IQCM: variants seen among roughly 807,000 people sequenced by gnomAD.
The protein encoded by IQCM is IQ motif containing M, also known as IQ domain-containing protein M.
In IQCM, 45 loss-of-function variants were observed where a neutral mutation model predicts 57.6. The observed-to-expected ratio is 0.78, with a 90% CI of 0.62 to 1.00. The LOEUF (loss-of-function observed/expected upper bound fraction) is 1.00, where lower values mean the gene tolerates loss of function less well. Among genes scored for constraint, IQCM ranks in the 50% least tolerant of loss-of-function variants. IQCM has a pLI of 0.00. For missense variants in IQCM, 468 were observed against 511.6 expected, an observed-to-expected ratio of 0.91 and a Z score of 0.82; for synonymous variants, 148 against 158.9, an observed-to-expected ratio of 0.93 and a Z score of 0.51.
At chr4:149,774,868 A>G (rs1218247042) in intron 2 of IQCM, among the ~76,000 whole-genome samples, 1 of 151,992 alleles carries the variant, frequency 6.6e-6, no homozygotes, top group Non-Finnish European at 1.5e-5. Context: ...ATAGAAAAAT[A>G]TGTTTTAATT....
chr4:149,398,777 G>A (rs1732412759), intron 13 of IQCM, among the ~76,000 whole-genome samples: 1 of 152,100 alleles, frequency 6.6e-6, no homozygotes, highest in East Asian at 1.9e-4. Flanking sequence ...CACACTCATG[G>A]CTCACTGCAG....
intron 7 of IQCM, among the ~76,000 whole-genome samples, chr4:149,637,871 A>G (rs1356219767): frequency 2.0e-5 from 3 of 152,248 alleles, no homozygotes; most frequent in Non-Finnish European, 4.4e-5. Context: ...CAACAAAGCT[A>G]CCGAAGAATA....
At chr4:149,677,972 A>T (rs1281104190) in intron 7 of IQCM, among the ~76,000 whole-genome samples, 1 of 151,868 alleles carries the variant, frequency 6.6e-6, no homozygotes, top group Non-Finnish European at 1.5e-5. Flanking sequence ...ACTATTTGAA[A>T]ATACATGGAG....
At chr4:149,547,584 G>A (rs1188240254) in intron 12 of IQCM, among the ~76,000 whole-genome samples, 1 of 152,114 alleles carries the variant, frequency 6.6e-6, no homozygotes, top group Admixed American at 6.5e-5. Context: ...GTACAGCATG[G>A]TGACTGTCGT....
intron 13 of IQCM, among the ~76,000 whole-genome samples, chr4:149,400,361 T>C (rs1732531902): frequency 6.6e-6 from 1 of 151,920 alleles, no homozygotes; most frequent in Non-Finnish European, 1.5e-5. Flanking sequence ...GAGTGGAAAA[T>C]AGGGACAATG....
At chr4:149,431,898 T>A (rs1049425905) in intron 13 of IQCM, among the ~76,000 whole-genome samples, 1 of 151,798 alleles carries the variant, frequency 6.6e-6, no homozygotes, top group African/African-American at 2.4e-5. Flanking sequence ...AGCTGTGTTG[T>A]TTCCAGCTTT....
Position 149,644,710 on chromosome 4 carries a change from T to G in IQCM, c.566-23466A>C, listed in dbSNP as rs1390588475. Among the ~76,000 whole-genome samples the G allele has an allele frequency of 2.0e-5, 3 of 152,280 alleles. No homozygotes were observed. The East Asian group carries it at 5.8e-4, about 29-fold the overall frequency. ...GGCTGTGTTAGTGTGGTCCACGGAT[T>G]AGCAGAACCTTCAACATGTGGGAGC... On this transcript the variant is annotated intron_variant, in intron 7 of 13. Coordinates refer to ENST00000636793, the MANE Select transcript of IQCM (RefSeq NM_001363507.2).
At chr4:149,729,781 G>A (rs1025057293) in intron 5 of IQCM, among the ~76,000 whole-genome samples, 1 of 152,130 alleles carries the variant, frequency 6.6e-6, no homozygotes, top group African/African-American at 2.4e-5. Context: ...TGACTGCCAT[G>A]AGGGTATCTG....
chr4:149,774,525 G>A (rs1482468278), intron 2 of IQCM, among the ~76,000 whole-genome samples: 2 of 152,136 alleles, frequency 1.3e-5, no homozygotes, highest in East Asian at 1.9e-4. Flanking sequence ...AGGCTAGGGT[G>A]GGAAGGCCAG....
intron 5 of IQCM, among the ~76,000 whole-genome samples, chr4:149,713,474 A>G (rs1764733073): frequency 6.6e-6 from 1 of 152,184 alleles, no homozygotes; most frequent in Non-Finnish European, 1.5e-5. Context: ...CTGGTCTCAT[A>G]TAACACTAAC....
At chr4:149,714,091 T>G (rs1764790619) in intron 5 of IQCM, among the ~76,000 whole-genome samples, 1 of 152,190 alleles carries the variant, frequency 6.6e-6, no homozygotes, top group Admixed American at 6.5e-5. Flanking sequence ...GTCAAGGTCA[T>G]CGTTGACCTC....
chr4:149,449,388 A>AT (rs1560853000), intron 12 of IQCM, among the ~76,000 whole-genome samples: 6 of 145,546 alleles, frequency 4.1e-5, no homozygotes, highest in Non-Finnish European at 7.5e-5. Context: ...TTATATATAT[A>AT]ATATATATAT....
intron 13 of IQCM, among the ~76,000 whole-genome samples, chr4:149,384,748 C>CT (rs200017968): frequency 0.051 from 7,366 of 144,726 alleles, 256 homozygotes; most frequent in African/African-American, 0.1. Flanking sequence ...TCCTGTTAAT[C>CT]TTTTTTTTTT....
At chr4:149,370,593 C>G (rs1730301572) in intron 13 of IQCM, among the ~76,000 whole-genome samples, 1 of 148,872 alleles carries the variant, frequency 6.7e-6, no homozygotes, top group Non-Finnish European at 1.5e-5. Context: ...ACACACACAC[C>G]CTTATATGGG....
intron 13 of IQCM, among the ~76,000 whole-genome samples, chr4:149,410,632 C>T (rs1363119385): frequency 6.6e-6 from 1 of 151,642 alleles, no homozygotes; most frequent in African/African-American, 2.4e-5. Context: ...CACATTGTCA[C>T]ACTTTTTTTT....
rs76285288 is a variant in IQCM at position 149,682,393 on chromosome 4, C to A, written c.477-187G>T. ...ATTATTAAACAAAGACAAAATACTACGAAATTTTGCTGGTTCTGAGACGAA... is the reference window on the plus strand; with the variant it reads ...ATTATTAAACAAAGACAAAATACTAAGAAATTTTGCTGGTTCTGAGACGAA... On this transcript the variant is annotated intron_variant, in intron 6 of 13. Transcript: ENST00000636793. Among the ~76,000 whole-genome samples the A allele has an allele frequency of 4.0e-5, 6 of 151,064 alleles. No homozygotes were observed. In the South Asian group the frequency reaches 6.2e-4, roughly 16 times the overall value.
At chr4:149,668,187 G>T (rs1398196413) in intron 7 of IQCM, among the ~76,000 whole-genome samples, 1 of 152,142 alleles carries the variant, frequency 6.6e-6, no homozygotes, top group Non-Finnish European at 1.5e-5. Flanking sequence ...GAAAGGTCGG[G>T]TTACCTACAA....
intron 5 of IQCM, among the ~76,000 whole-genome samples, chr4:149,688,875 G>T (rs1183176300): frequency 6.6e-6 from 1 of 152,006 alleles, no homozygotes; most frequent in Admixed American, 6.6e-5. Context: ...TCAACAAATG[G>T]TGCTGGGATA....
intron 13 of IQCM, among the ~76,000 whole-genome samples, chr4:149,412,617 T>C (rs1405399681): frequency 2.6e-5 from 4 of 152,170 alleles, no homozygotes; most frequent in Non-Finnish European, 4.4e-5. Context: ...ATTAATAAGA[T>C]ATGGCTCCCA....
Sources: allele counts gnomAD v4.1 joint callset (sites outside exome capture counted in the v4.1 genomes callset), GRCh38; gene constraint gnomAD v4.1.1; transcripts MANE v1.5; gene names NCBI Gene and HGNC (gene_info 2026-07-23, HGNC 2026-07-21).